NEBL: variants seen among roughly 807,000 people sequenced by gnomAD.
NEBL encodes nebulette.
In NEBL, 122 loss-of-function variants were observed where a neutral mutation model predicts 140.2. That is an observed-to-expected ratio of 0.87 (90% CI 0.75 to 1.01). The LOEUF (loss-of-function observed/expected upper bound fraction) is 1.01. Ranked by LOEUF, NEBL falls within the 50% of genes least tolerant of loss-of-function variation. The pLI is 0.00. For synonymous variants in NEBL, 436 were observed against 398.9 expected, an observed-to-expected ratio of 1.09 and a Z score of -1.11; for missense variants, 1,365 against 1,231.3, an observed-to-expected ratio of 1.11 and a Z score of -1.62.
chr10:20,816,762 G>A (rs3781484), intron 21 of NEBL, among the ~76,000 whole-genome samples: 4,789 of 152,198 alleles, frequency 0.031, 130 homozygotes, highest in East Asian at 0.1. Context: ...ACAGGGAATC[G>A]GAGCAGGCCA....
At chr10:20,998,931 G>T (rs577095144) in intron 3 of NEBL, among the ~76,000 whole-genome samples, 2 of 152,250 alleles carry the variant, frequency 1.3e-5, no homozygotes, top group Non-Finnish European at 2.9e-5. Context: ...AGTTCTGGGG[G>T]CCGCCAACAA....
chr10:21,177,107 C>G (rs1841312869), upstream of NEBL, among the ~76,000 whole-genome samples: 1 of 152,152 alleles, frequency 6.6e-6, no homozygotes, highest in Non-Finnish European at 1.5e-5. Flanking sequence ...TGTGCCTTTC[C>G]CCACTGAGCT....
intron 3 of NEBL, among the ~76,000 whole-genome samples, chr10:21,225,201 G>A (rs925552767): frequency 6.6e-6 from 1 of 152,138 alleles, no homozygotes; most frequent in African/African-American, 2.4e-5. Context: ...AGATGACAAG[G>A]CAGAGACTCT....
rs1430390614 is a variant in NEBL, at chr10:21,173,837, C to T, written c.-4G>A. The T allele has an allele frequency of 6.2e-6, 10 of 1,611,156 alleles. No homozygotes were observed. Among genetic ancestry groups the T allele is most frequent in the African/African-American group, 1.3e-5 (1 of 74,814 alleles). ...AACGGGCGCACTGGGGGTTCATGAT[C>T]GCGGTTCCCGGGGGCGGCGGCGGCG... On this transcript the variant is annotated 5_prime_UTR_variant, in exon 1 of 7. Coordinates refer to the NEBL transcript ENST00000417816. The surrounding 1 kb of genome is among the most constrained non-coding windows in gnomAD (Gnocchi z 5.7).
chr10:21,123,792 TTATA>T (rs1418738889), intron 2 of NEBL, among the ~76,000 whole-genome samples: 1 of 150,644 alleles, frequency 6.6e-6, no homozygotes, highest in East Asian at 1.9e-4. Flanking sequence ...ATTTTATATA[TTATA>T]TAAATATACA....
At chr10:20,944,973 A>T (rs531905597) in intron 4 of NEBL, among the ~76,000 whole-genome samples, 10 of 152,314 alleles carry the variant, frequency 6.6e-5, no homozygotes, top group South Asian at 4.1e-4. Flanking sequence ...CCACAGGACT[A>T]GATTAAGCAC....
At chr10:21,006,770 A>G (rs74120599) in intron 3 of NEBL, among the ~76,000 whole-genome samples, 2,750 of 152,324 alleles carry the variant, frequency 0.018, 80 homozygotes, top group African/African-American at 0.063. Context: ...TGTTTACGAC[A>G]TGATTTAATT....
At chr10:21,290,708 C>A (rs957394860) in intron 1 of NEBL, among the ~76,000 whole-genome samples, 11 of 152,166 alleles carry the variant, frequency 7.2e-5, no homozygotes, top group African/African-American at 2.4e-4. Context: ...ACCACCTCCC[C>A]CAGAGCTCAG....
At chr10:21,289,724 A>G (rs932725102) in intron 1 of NEBL, among the ~76,000 whole-genome samples, 1 of 152,006 alleles carries the variant, frequency 6.6e-6, no homozygotes, top group Non-Finnish European at 1.5e-5. Flanking sequence ...GATGATACAG[A>G]CCCTTCAATT....
chr10:21,035,092 A>G (rs1380584349), intron 2 of NEBL, among the ~76,000 whole-genome samples: 2 of 151,900 alleles, frequency 1.3e-5, no homozygotes, highest in Non-Finnish European at 2.9e-5. Context: ...TCCACCTGCC[A>G]GGCCCAAGTG....
intron 5 of NEBL, among the ~76,000 whole-genome samples, chr10:20,870,457 C>T (rs577264805): frequency 4.6e-5 from 7 of 152,020 alleles, no homozygotes; most frequent in Non-Finnish European, 1.5e-5. Context: ...TATCTAAGTG[C>T]ATATATTTAT....
intron 2 of NEBL, among the ~76,000 whole-genome samples, chr10:21,169,067 A>AAATATATAT (rs1554830679): frequency 9.5e-4 from 22 of 23,062 alleles, no homozygotes; most frequent in Non-Finnish European, 1.6e-3. Flanking sequence ...AAAAAAAAAA[A>AAATATATAT]ATATATATAT....
At chr10:21,160,900 T>C (rs74121073) in intron 2 of NEBL, among the ~76,000 whole-genome samples, 1,850 of 152,040 alleles carry the variant, frequency 0.012, 37 homozygotes, top group African/African-American at 0.042. Context: ...AGTAAATGTG[T>C]ATATGGTCTG....
intron 2 of NEBL, among the ~76,000 whole-genome samples, chr10:21,036,318 C>G (rs494226): frequency 0.61 from 92,244 of 151,770 alleles, 28,114 homozygotes; most frequent in East Asian, 0.72. Context: ...GCCAGGCGTG[C>G]TGGTGTACAC....
chr10:21,034,777 A>G (rs1014375134), intron 2 of NEBL, among the ~76,000 whole-genome samples: 4 of 152,098 alleles, frequency 2.6e-5, no homozygotes, highest in African/African-American at 9.7e-5. Context: ...AGGGAGGGAA[A>G]AATTATACCA....
chr10:20,838,903 A>G (rs917324363), intron 13 of NEBL, among the ~76,000 whole-genome samples: 3 of 152,228 alleles, frequency 2.0e-5, no homozygotes, highest in African/African-American at 7.2e-5. Context: ...AGCCTATTGC[A>G]TACTTCTTAG....
intron 3 of NEBL, among the ~76,000 whole-genome samples, chr10:21,193,844 C>A (rs968855673): frequency 1.3e-5 from 2 of 152,194 alleles, no homozygotes; most frequent in Non-Finnish European, 2.9e-5. Context: ...CAAGAATTAT[C>A]TGCTGTTGAA....
At chr10:20,816,659 T>A (rs909513369) in intron 21 of NEBL, among the ~76,000 whole-genome samples, 4 of 152,202 alleles carry the variant, frequency 2.6e-5, no homozygotes, top group Non-Finnish European at 5.9e-5. Flanking sequence ...GTAATAGATT[T>A]CCAAGTTTCC....
At chr10:20,884,163 A>G (rs1588936803) in intron 4 of NEBL, among the ~76,000 whole-genome samples, 1 of 152,212 alleles carries the variant, frequency 6.6e-6, no homozygotes, top group Non-Finnish European at 1.5e-5. Context: ...TTTTGATCTT[A>G]CAGCATATTT....
Sources: allele counts gnomAD v4.1 joint callset (sites outside exome capture counted in the v4.1 genomes callset), GRCh38; gene constraint gnomAD v4.1.1; non-coding constraint Gnocchi (gnomAD v3.1); transcripts MANE v1.5; gene names NCBI Gene and HGNC (gene_info 2026-07-23, HGNC 2026-07-21).